Variants in ADAMTS2 observed in about 807,000 individuals in gnomAD.
ADAMTS2 encodes ADAM metallopeptidase with thrombospondin type 1 motif 2.
A neutral mutation model predicts 123.0 loss-of-function variants in ADAMTS2; 50 were observed. The ratio of observed to expected loss-of-function variants is 0.41; its 90% confidence interval spans 0.32 to 0.51. The LOEUF (loss-of-function observed/expected upper bound fraction) is 0.51, where lower values mean the gene tolerates loss of function less well. Among genes scored for constraint, ADAMTS2 ranks in the 20% least tolerant of loss-of-function variants. The pLI is 0.35. For synonymous variants in ADAMTS2, 678 were observed against 695.4 expected (o/e 0.98, Z 0.39); for missense variants, 1,494 against 1,705.2 (o/e 0.88, Z 2.18).
rs1244509555 is a variant in ADAMTS2 at position 179,181,486 on chromosome 5, T to G, written c.892-331A>C. On this transcript the variant is annotated intron_variant, in intron 4 of 21. Coordinates refer to ENST00000251582, the MANE Select transcript of ADAMTS2 (RefSeq NM_014244.5). This position sits in a 1 kb window ranked among gnomAD's most constrained non-coding sequence, Gnocchi z 4.1. ...TGTAGCCTCCAGCTGAAACACAACC[T>G]TCCCTTCAACAGTGAACGTGGGTGA... 6.6e-6 allele frequency among the ~76,000 whole-genome samples: 1 copy of G among 152,066 alleles called. No individual in the cohort carries two copies. The highest frequency in any genetic ancestry group is 2.4e-5 in the African/African-American group (1 of 41,406).
chr5:179,239,313 A>T lies in ADAMTS2; in HGVS notation c.689-31598T>A, dbSNP rs1287478150. Among the ~76,000 whole-genome samples, 4 of 152,144 alleles carry T rather than the reference A, an allele frequency of 2.6e-5. No individual in the cohort carries two copies. The East Asian group carries it at 7.7e-4, about 29-fold the overall frequency. On this transcript the variant is annotated intron_variant, in intron 3 of 21. Coordinates refer to ENST00000251582, the MANE Select transcript of ADAMTS2 (RefSeq NM_014244.5). ...AAAAAGATTTCTCAACAGGTTTCTC[A>T]TCAGTGTGAGAGGAAGAGAGGGGTC...
rs1766262266 is a variant in ADAMTS2 at position 179,262,623 on chromosome 5, C to T, written c.688+10288G>A. On this transcript the variant is annotated intron_variant, in intron 3 of 21. Transcript: ENST00000251582. This position sits in a 1 kb window ranked among gnomAD's most constrained non-coding sequence, Gnocchi z 5.9. ...CCTCAGGGCTCCTGCATGTGCTGTT[C>T]CCTCTGCCTGGAACACCCTTCCCAG... 6.6e-6 allele frequency among the ~76,000 whole-genome samples: 1 copy of T among 152,196 alleles called. No individual in the cohort carries two copies. Among genetic ancestry groups the T allele is most frequent in the African/African-American group, 2.4e-5 (1 of 41,442 alleles).
intron 2 of ADAMTS2, among the ~76,000 whole-genome samples, chr5:179,333,792 G>A (rs1188812329): frequency 1.3e-5 from 2 of 151,894 alleles, no homozygotes; most frequent in Non-Finnish European, 2.9e-5. Flanking sequence ...TGGAGATGGG[G>A]TTTCACCATA....
intron 3 of ADAMTS2, among the ~76,000 whole-genome samples, chr5:179,254,558 C>G (rs974607532): frequency 2.0e-5 from 3 of 152,176 alleles, no homozygotes; most frequent in African/African-American, 7.2e-5. Context: ...GAGGAAGCAA[C>G]TCAAATGCTT....
intron 2 of ADAMTS2, among the ~76,000 whole-genome samples, chr5:179,321,030 A>C (rs1184773103): frequency 6.6e-6 from 1 of 152,182 alleles, no homozygotes; most frequent in Non-Finnish European, 1.5e-5. Flanking sequence ...CTGAAGCTAG[A>C]TAGTTCTAGA....
chr5:179,228,136 G>A lies in ADAMTS2; in HGVS notation c.689-20421C>T, dbSNP rs969483344. Among the ~76,000 whole-genome samples the A allele has an allele frequency of 1.8e-4, 27 of 152,206 alleles. No homozygotes were observed. The highest frequency in any genetic ancestry group is 1.0e-3 in the South Asian group (5 of 4,832). On this transcript the variant is annotated intron_variant, in intron 3 of 21. Transcript: ENST00000251582. This position sits in a 1 kb window ranked among gnomAD's most constrained non-coding sequence, Gnocchi z 5.2. ...ACCCATGAGACACTCAGGCAGGAGTGGTCTGGAGCACAGAGAGAGGGTGGG... is the reference window on the plus strand; with the variant it reads ...ACCCATGAGACACTCAGGCAGGAGTAGTCTGGAGCACAGAGAGAGGGTGGG...
At chr5:179,280,880 CAG>C (rs1766880957) in intron 2 of ADAMTS2, among the ~76,000 whole-genome samples, 1 of 151,852 alleles carries the variant, frequency 6.6e-6, no homozygotes, top group African/African-American at 2.4e-5. Flanking sequence ...TTTTTTGAGA[CAG>C]AGTCTCGCTC....
chr5:179,145,602 C>T (rs1482400888), intron 10 of ADAMTS2, among the ~76,000 whole-genome samples: 3 of 152,114 alleles, frequency 2.0e-5, no homozygotes, highest in Non-Finnish European at 2.9e-5. Flanking sequence ...AGACGCCAGG[C>T]GCAAAATGTC....
chr5:179,310,605 G>T (rs979846454), intron 2 of ADAMTS2, among the ~76,000 whole-genome samples: 1 of 152,124 alleles, frequency 6.6e-6, no homozygotes, highest in African/African-American at 2.4e-5. Flanking sequence ...TGCAAAATGT[G>T]GCCTGGAGCA....
rs550793541 is a variant in ADAMTS2 at position 179,158,942 on chromosome 5, G to A, written c.976-63C>T. 47 of 1,581,736 alleles carry A rather than the reference G, an allele frequency of 3.0e-5. No individual in the cohort carries two copies. The highest frequency in any genetic ancestry group is 1.7e-4 in the Middle Eastern group (1 of 5,984). ...GCGCCTGGTGGCCCAGTGGGGGGCC[G>A]AGCAGGCTGTAGTGTTGACAGACCC... is the stretch of plus-strand genomic sequence containing the variant. On this transcript the variant is annotated intron_variant, in intron 5 of 21. Transcript: ENST00000251582. This position sits in a 1 kb window ranked among gnomAD's most constrained non-coding sequence, Gnocchi z 5.0.
At position 179,118,312 on chromosome 5, in the gene ADAMTS2, C is replaced by T. The variant is rs1193572223; in HGVS notation, c.3178+3349G>A. ...TACATTTTTAAGTATCATCACGGACCACAGAGAAGAGTGATGCACCTGAGG... is the reference window on the plus strand; with the variant it reads ...TACATTTTTAAGTATCATCACGGACTACAGAGAAGAGTGATGCACCTGAGG... On this transcript the variant is annotated intron_variant, in intron 21 of 21. Transcript: ENST00000251582. The surrounding 1 kb of genome is among the most constrained non-coding windows in gnomAD (Gnocchi z 4.5). 7.9e-5 allele frequency among the ~76,000 whole-genome samples: 12 copies of T among 152,032 alleles called. No homozygotes were observed. Among genetic ancestry groups the T allele is most frequent in the Non-Finnish European group, 1.5e-5 (1 of 68,012 alleles).
At position 179,155,942 on chromosome 5, in the gene ADAMTS2, A is replaced by G. The variant is rs1367939202; in HGVS notation, c.1133-1023T>C. 5.3e-5 allele frequency among the ~76,000 whole-genome samples: 8 copies of G among 152,288 alleles called. No homozygotes were observed. Among genetic ancestry groups the G allele is most frequent in the African/African-American group, 1.9e-4 (8 of 41,566 alleles). On this transcript the variant is annotated intron_variant, in intron 6 of 21. Transcript: ENST00000251582. This position sits in a 1 kb window ranked among gnomAD's most constrained non-coding sequence, Gnocchi z 5.1. The stretch of plus-strand genomic sequence containing the variant: ...GAGCTGGCGGTGTACGCGCCTAAAA[A>G]TAGAAGCATCGTGATCTAACCCTTG...
At position 179,262,788 on chromosome 5, in the gene ADAMTS2, G is replaced by A. The variant is rs956946945; in HGVS notation, c.688+10123C>T. ...CATCTGCTCACCAGGTCTCCCCTGC[G>A]GGGCTGTGAGCCCAGAGAACAGGGA... On this transcript the variant is annotated intron_variant, in intron 3 of 21. Transcript: ENST00000251582. The surrounding 1 kb of genome is among the most constrained non-coding windows in gnomAD (Gnocchi z 5.9). Among the ~76,000 whole-genome samples, 6 of 152,200 alleles carry A rather than the reference G, an allele frequency of 3.9e-5. No individual in the cohort carries two copies. Among genetic ancestry groups the A allele is most frequent in the African/African-American group, 9.7e-5 (4 of 41,436 alleles).
chr5:179,177,852 A>G (rs564068557), intron 5 of ADAMTS2, among the ~76,000 whole-genome samples: 1 of 152,358 alleles, frequency 6.6e-6, no homozygotes, highest in Admixed American at 6.5e-5. Flanking sequence ...GCTTTATTCC[A>G]TCAAGTACTC....
At chr5:179,125,864 T>A in intron 18 of ADAMTS2, 134 bp downstream of exon 18, 1 of 1,338,120 alleles carries the variant, frequency 7.5e-7, no homozygotes, top group Non-Finnish European at 1.0e-6. Context: ...TTAGATTCCA[T>A]GAAATGTGGT....
chr5:179,335,779 C>T (rs924040872), intron 2 of ADAMTS2, among the ~76,000 whole-genome samples: 6 of 152,174 alleles, frequency 3.9e-5, no homozygotes, highest in Admixed American at 1.3e-4. Flanking sequence ...AGACACCCTA[C>T]TTTCCATGTG....
chr5:179,235,638 T>C (rs576293271), intron 3 of ADAMTS2, among the ~76,000 whole-genome samples: 1 of 152,290 alleles, frequency 6.6e-6, no homozygotes, highest in African/African-American at 2.4e-5. Flanking sequence ...AAAGTGCTGG[T>C]AGGCCAGGCC....
intron 4 of ADAMTS2, among the ~76,000 whole-genome samples, chr5:179,200,244 CTTTT>C (rs1051856642): frequency 3.5e-3 from 365 of 103,676 alleles, no homozygotes; most frequent in African/African-American, 0.014. Context: ...CCTTTCTTTC[CTTTT>C]TTTTTTTTTT....
chr5:179,238,225 G>A (rs1765575454), intron 3 of ADAMTS2, among the ~76,000 whole-genome samples: 1 of 152,196 alleles, frequency 6.6e-6, no homozygotes, highest in African/African-American at 2.4e-5. Flanking sequence ...CATGCAGCAG[G>A]TGGAACCGCA....
Sources: gnomAD v4.1 joint callset for allele counts (sites outside exome capture counted in the v4.1 genomes callset) on GRCh38, gnomAD v4.1.1 for gene constraint, Gnocchi (gnomAD v3.1) non-coding constraint, MANE v1.5 for transcripts, NCBI Gene and HGNC (gene_info 2026-07-23, HGNC 2026-07-21) for gene names.